Variants in RFX1 observed in about 807,000 individuals in gnomAD.
The protein encoded by RFX1 is regulatory factor X1.
A neutral mutation model predicts 119.6 loss-of-function variants in RFX1; 42 were observed. The ratio of observed to expected loss-of-function variants is 0.35; its 90% confidence interval spans 0.27 to 0.45. RFX1 has a LOEUF of 0.45. Among genes scored for constraint, RFX1 ranks in the 20% least tolerant of loss-of-function variants. The probability of loss-of-function intolerance (pLI) is 1.00; values close to 1 mark genes in which losing one functional copy is unlikely to be tolerated. For missense variants in RFX1, 1,118 were observed against 1,368.1 expected, an observed-to-expected ratio of 0.82 and a Z score of 2.88; for synonymous variants, 628 against 618.5, an observed-to-expected ratio of 1.02 and a Z score of -0.23.
intron 1 of RFX1, among the ~76,000 whole-genome samples, chr19:13,997,913 G>A (rs995010945): frequency 1.3e-5 from 2 of 152,018 alleles, no homozygotes; most frequent in Non-Finnish European, 2.9e-5. Context: ...ACAAGGCGAA[G>A]ACCATCCTCC....
chr19:13,963,065 G>T (rs1973761461), intron 19 of RFX1, 26 bp from the exon 20 acceptor site: 1 of 1,589,978 alleles, frequency 6.3e-7, no homozygotes. Flanking sequence ...AAGAAAATGG[G>T]TGAGGGTCCC....
intron 8 of RFX1, among the ~76,000 whole-genome samples, chr19:13,974,735 T>C (rs1033204535): frequency 6.6e-6 from 1 of 152,186 alleles, no homozygotes; most frequent in Admixed American, 6.6e-5. Context: ...ACTCTTTCAA[T>C]GTACTAGTGA....
At chr19:13,987,986 A>T (rs1467448584) in intron 2 of RFX1, among the ~76,000 whole-genome samples, 1 of 148,610 alleles carries the variant, frequency 6.7e-6, no homozygotes, top group Non-Finnish European at 1.5e-5. Context: ...TGACCCAAAG[A>T]CCATGCCTTG....
In RFX1 at chr19:13,969,966, A is replaced by T; in HGVS notation, c.1496+28T>A. On this transcript the variant is annotated intron_variant, in intron 10 of 20. Transcript: ENST00000254325. This position sits in a 1 kb window ranked among gnomAD's most constrained non-coding sequence, Gnocchi z 4.5. ...TGGCATGCCCACCAATTCCCCAGGGACTGCTGGGAGTAGACGGATGGCCCT... is the reference window on the plus strand; with the variant it reads ...TGGCATGCCCACCAATTCCCCAGGGTCTGCTGGGAGTAGACGGATGGCCCT... The T allele has an allele frequency of 1.3e-6, 2 of 1,564,806 alleles. No individual in the cohort carries two copies. Among genetic ancestry groups the T allele is most frequent in the Non-Finnish European group, 1.7e-6 (2 of 1,152,200 alleles).
intron 1 of RFX1, among the ~76,000 whole-genome samples, chr19:14,005,892 C>G (rs1010278978): frequency 1.3e-5 from 2 of 151,782 alleles, no homozygotes; most frequent in Non-Finnish European, 2.9e-5. Flanking sequence ...CCTGCGAGCG[C>G]CCGCCCCTCG....
chr19:13,996,541 G>A (rs958274289), intron 1 of RFX1, among the ~76,000 whole-genome samples: 5 of 152,248 alleles, frequency 3.3e-5, no homozygotes, highest in South Asian at 2.1e-4. Flanking sequence ...CCTGGCAGTC[G>A]TATGAGGGAG....
intron 9 of RFX1, 120 bp from the exon 10 acceptor site, chr19:13,970,295 GTTA>G: frequency 1.3e-6 from 1 of 769,122 alleles, no homozygotes; most frequent in South Asian, 1.8e-5. Flanking sequence ...GCCCACATAA[GTTA>G]GCACATCCTA....
rs950299841 is a variant in RFX1 at position 13,963,106 on chromosome 19, G to C, written c.2724+16C>G. On this transcript the variant is annotated intron_variant, in intron 19 of 20. Transcript: ENST00000254325. ...CTGGCGCCCCGCCCGCGCCCCCAGTGGCCCGCCTCGCGCACCTCGCCCATG... is the reference window on the plus strand; with the variant it reads ...CTGGCGCCCCGCCCGCGCCCCCAGTCGCCCGCCTCGCGCACCTCGCCCATG... 5 of 1,609,908 alleles carry C rather than the reference G, an allele frequency of 3.1e-6. No homozygotes were observed. In the African/African-American group the frequency reaches 6.7e-5, roughly 22 times the overall value.
rs1367459250 is a variant in RFX1, at chr19:13,961,564, G to A, written c.*1131C>T. 1 of 159,092 alleles carries A rather than the reference G, an allele frequency of 6.3e-6. No homozygotes were observed. The highest frequency in any genetic ancestry group is 1.8e-4 in the East Asian group (1 of 5,616). The allele number at this position is 159,092 out of a possible 1,614,324, so 9.9% of individuals were successfully genotyped here. On this transcript the variant is annotated 3_prime_UTR_variant, in exon 21 of 21. Transcript: ENST00000254325. ...ATCACAGCGGAATTTATTGTTTTAAGAAAGACTACAAAAAGGTAGAAAACA... is the reference window on the plus strand; with the variant it reads ...ATCACAGCGGAATTTATTGTTTTAAAAAAGACTACAAAAAGGTAGAAAACA...
intron 1 of RFX1, among the ~76,000 whole-genome samples, chr19:13,997,847 C>G (rs534501110): frequency 6.6e-6 from 1 of 152,128 alleles, no homozygotes; most frequent in Non-Finnish European, 1.5e-5. Flanking sequence ...CCCAGGGACT[C>G]GGGCAGCAGA....
chr19:13,970,037 G>A lies in RFX1; in HGVS notation c.1453C>T (p.Arg485Cys). The change falls in exon 10 of 21, where the codon CGC (arginine) becomes TGC (cysteine). Residue 485 changes from arginine to cysteine, a missense_variant. Coordinates refer to ENST00000254325, the MANE Select transcript of RFX1 (RefSeq NM_002918.5). ...GTTCGCAGGCCCATGAAGACGGAGC[G>A]GATGAGCTTGCCGAAGGAGGCGGCG... ...VNAASFGKLI[R>C]SVFMGLRTRR... 6.2e-7 allele frequency: 1 copy of A among 1,614,010 alleles called. No individual in the cohort carries two copies. Among genetic ancestry groups the A allele is most frequent in the Non-Finnish European group, 8.5e-7 (1 of 1,179,960 alleles).
rs1323509562 is a variant in RFX1, at chr19:13,969,584, G to A, written c.1496+410C>T. 3.6e-5 allele frequency: 6 copies of A among 168,392 alleles called. No individual in the cohort carries two copies. The highest frequency in any genetic ancestry group is 2.9e-4 in the Admixed American group (5 of 17,272). The allele number at this position is 168,392 out of a possible 1,614,324, so 10.4% of individuals were successfully genotyped here. A position where few individuals can be genotyped will look rare whatever the true frequency, so the allele number is the denominator to read the frequency against. On this transcript the variant is annotated intron_variant, in intron 10 of 20. Coordinates refer to ENST00000254325, the MANE Select transcript of RFX1 (RefSeq NM_002918.5). The surrounding 1 kb of genome is among the most constrained non-coding windows in gnomAD (Gnocchi z 4.5). ...TGAGGCATGAGAATGGCTTGAACCC[G>A]TGAGGCAGAGGTTGCAGTGAGCCGA...
At chr19:13,993,271 G>T (rs1974865416) in intron 2 of RFX1, among the ~76,000 whole-genome samples, 2 of 152,062 alleles carry the variant, frequency 1.3e-5, no homozygotes, top group African/African-American at 4.8e-5. Context: ...CTCCAGCCTG[G>T]GCAACAGAAT....
Position 13,993,780 on chromosome 19 carries a change from G to A in RFX1, c.64C>T (p.Pro22Ser). The change falls in exon 2 of 21, where the codon CCG (proline) becomes TCG (serine). Residue 22 changes from proline to serine, a missense_variant. Pro to Ser is a moderately conservative substitution (Grantham distance 74). This residue lies in a region of RFX1 where 542 missense variants were observed against 602.7 expected (regional missense o/e 0.90). Coordinates refer to ENST00000254325, the MANE Select transcript of RFX1 (RefSeq NM_002918.5). ...GGCGGCTGGGGCTGGGCTTGTGGCG[G>A]GGCCTGTGGCGGCTGGGATGGTGGC... ...APPPSQPPQA[P>S]PQAQPQPPPP... 6.3e-7 allele frequency: 1 copy of A among 1,584,004 alleles called. No homozygotes were observed. The highest frequency in any genetic ancestry group is 8.6e-7 in the Non-Finnish European group (1 of 1,166,744).
chr19:13,980,763 C>G lies in RFX1; in HGVS notation c.622-74G>C. 1.1e-6 allele frequency: 1 copy of G among 918,412 alleles called. No homozygotes were observed. 56.9% of individuals were successfully genotyped at this position (918,412 alleles called of 1,614,324 possible). ...TCTCTGAGGTGGGCTCACACACACA[C>G]CCTTCTCAGGAGAGCTGTCTGGGGA... On this transcript the variant is annotated intron_variant, in intron 5 of 20. Transcript: ENST00000254325. This position sits in a 1 kb window ranked among gnomAD's most constrained non-coding sequence, Gnocchi z 5.1.
rs886108541 is a variant in RFX1 at position 13,985,713 on chromosome 19, G to C, written c.320-2118C>G. 6.6e-6 allele frequency among the ~76,000 whole-genome samples: 1 copy of C among 152,240 alleles called. No individual in the cohort carries two copies. Among genetic ancestry groups the C allele is most frequent in the African/African-American group, 2.4e-5 (1 of 41,462 alleles). On this transcript the variant is annotated intron_variant, in intron 2 of 20. Coordinates refer to ENST00000254325, the MANE Select transcript of RFX1 (RefSeq NM_002918.5). This position sits in a 1 kb window ranked among gnomAD's most constrained non-coding sequence, Gnocchi z 4.3. ...TATATGGGCACAGGAAGGAAAGTAA[G>C]CTGGGGGTCTACGGGGACCCCTCAA...
In RFX1 at chr19:13,969,927, G is replaced by A; in HGVS notation, c.1496+67C>T. ...ACTGGACTGCCTGAGATGACTCGGA[G>A]TGGGGGTGGGCCTTGGCATGCCCAC... is the stretch of plus-strand genomic sequence containing the variant. On this transcript the variant is annotated intron_variant, in intron 10 of 20. Coordinates refer to ENST00000254325, the MANE Select transcript of RFX1 (RefSeq NM_002918.5). This position sits in a 1 kb window ranked among gnomAD's most constrained non-coding sequence, Gnocchi z 4.5. 1.3e-6 allele frequency: 2 copies of A among 1,489,502 alleles called. No homozygotes were observed. Among genetic ancestry groups the A allele is most frequent in the Non-Finnish European group, 1.8e-6 (2 of 1,102,308 alleles). 92.3% of individuals were successfully genotyped at this position (1,489,502 alleles called of 1,614,324 possible).
At position 13,965,571 on chromosome 19, in the gene RFX1, C is replaced by T. The variant is rs1454693597; in HGVS notation, c.2114-25G>A. 1.2e-6 allele frequency: 2 copies of T among 1,610,846 alleles called. No homozygotes were observed. Among genetic ancestry groups the T allele is most frequent in the Admixed American group, 1.7e-5 (1 of 59,696 alleles). Reference sequence around the variant, plus strand: ...CCTGTGGGCGGTGGCGGGGGTCGGTCAGGGCAGGGCGGGTGTATGTGGGGC... The same window carrying T: ...CCTGTGGGCGGTGGCGGGGGTCGGTTAGGGCAGGGCGGGTGTATGTGGGGC... On this transcript the variant is annotated intron_variant, in intron 15 of 20. Coordinates refer to ENST00000254325, the MANE Select transcript of RFX1 (RefSeq NM_002918.5). This position sits in a 1 kb window ranked among gnomAD's most constrained non-coding sequence, Gnocchi z 4.7.
In RFX1 at chr19:13,980,718, G is replaced by GCTGGGGTGGTCTTGCATCCTCT; in HGVS notation, c.622-30_622-29insAGAGGATGCAAGACCACCCCAG. On this transcript the variant is annotated intron_variant, in intron 5 of 20. Transcript: ENST00000254325. This position sits in a 1 kb window ranked among gnomAD's most constrained non-coding sequence, Gnocchi z 5.1. ...TAAGGGAAGGAGACACAGGAGTGCC[G>GCTGGGGTGGTCTTGCATCCTCT]CTGGGGTGGGCTTGCATCCTCTCTG... The GCTGGGGTGGTCTTGCATCCTCT allele has an allele frequency of 6.2e-6, 4 of 646,408 alleles. No individual in the cohort carries two copies. The highest frequency in any genetic ancestry group is 2.1e-5 in the South Asian group (1 of 48,670). 40.0% of individuals were successfully genotyped at this position (646,408 alleles called of 1,614,324 possible).
Sources: allele counts gnomAD v4.1 joint callset (sites outside exome capture counted in the v4.1 genomes callset), GRCh38; gene constraint gnomAD v4.1.1; regional missense constraint gnomAD v4.1.1; non-coding constraint Gnocchi (gnomAD v3.1); transcripts MANE v1.5; gene names NCBI Gene and HGNC (gene_info 2026-07-23, HGNC 2026-07-21).